LAPTM4B: variants seen among roughly 807,000 people sequenced by gnomAD.
LAPTM4B encodes lysosomal protein transmembrane 4 beta, also known as lysosomal-associated transmembrane protein 4B.
LAPTM4B carries 26 observed loss-of-function variants against 28.5 expected under a neutral mutation model. The observed-to-expected ratio is 0.91, with a 90% CI of 0.67 to 1.27. LAPTM4B has a LOEUF of 1.27. LAPTM4B is among the 50% of genes most tolerant of loss of function. LAPTM4B has a pLI of 0.00. For missense variants in LAPTM4B, 288 were observed against 285.8 expected (o/e 1.01, Z -0.06); for synonymous variants, 109 against 106.4 (o/e 1.02, Z -0.15).
At chr8:97,823,028 A>T (rs1290889386) in intron 5 of LAPTM4B, among the ~76,000 whole-genome samples, 1 of 151,788 alleles carries the variant, frequency 6.6e-6, no homozygotes, top group Non-Finnish European at 1.5e-5. Context: ...TTTTTACTAG[A>T]GACAGGGTTT....
chr8:97,827,242 G>A (rs1817103870), intron 6 of LAPTM4B, among the ~76,000 whole-genome samples: 1 of 152,174 alleles, frequency 6.6e-6, no homozygotes, highest in African/African-American at 2.4e-5. Context: ...CTGCACTAAG[G>A]CAGGATTCTA....
chr8:97,826,436 C>T (rs145328959), intron 6 of LAPTM4B, among the ~76,000 whole-genome samples: 2 of 152,210 alleles, frequency 1.3e-5, no homozygotes, highest in Non-Finnish European at 2.9e-5. Context: ...AAAGAAATAT[C>T]TATTCAAAAT....
At chr8:97,815,287 G>A (rs1816890809) in intron 2 of LAPTM4B, 41 bp from the exon 3 acceptor site, 3 of 1,507,006 alleles carry the variant, frequency 2.0e-6, no homozygotes, top group Admixed American at 3.4e-5. Flanking sequence ...ATCCACTACT[G>A]ATTGTCTTTT....
intron 3 of LAPTM4B, 84 bp downstream of exon 3, chr8:97,815,485 C>A: frequency 1.1e-6 from 1 of 939,590 alleles, no homozygotes; most frequent in Non-Finnish European, 1.7e-6. Context: ...TGAGAAGTGA[C>A]TTTCCAGTTT....
chr8:97,811,620 TTG>T (rs200078785), intron 2 of LAPTM4B, among the ~76,000 whole-genome samples: 1 of 151,404 alleles, frequency 6.6e-6, no homozygotes, highest in African/African-American at 2.4e-5. Context: ...AAGGCTCATC[TTG>T]CTCTGGCATT....
At chr8:97,797,506 T>A (rs1412923116) in intron 1 of LAPTM4B, among the ~76,000 whole-genome samples, 1 of 152,204 alleles carries the variant, frequency 6.6e-6, no homozygotes, top group Admixed American at 6.6e-5. Context: ...ATTAACATTT[T>A]AAAAAATAAG....
chr8:97,794,587 G>T (rs1378117546), intron 1 of LAPTM4B, among the ~76,000 whole-genome samples: 1 of 140,474 alleles, frequency 7.1e-6, no homozygotes. Context: ...AGCATGGGAA[G>T]AAGTTTATTT....
intron 1 of LAPTM4B, chr8:97,788,338 T>C (rs944372217): frequency 8.6e-6 from 3 of 350,128 alleles, no homozygotes; most frequent in Admixed American, 3.1e-5. Flanking sequence ...GAAACAATCC[T>C]GAAAGTCTTG....
chr8:97,819,624 T>A (rs1240825260), intron 5 of LAPTM4B, among the ~76,000 whole-genome samples: 2 of 151,742 alleles, frequency 1.3e-5, no homozygotes, highest in Non-Finnish European at 2.9e-5. Flanking sequence ...AATAAATTAC[T>A]TGATGAGCAT....
At chr8:97,837,940 C>G (rs143950671) in intron 6 of LAPTM4B, among the ~76,000 whole-genome samples, 3 of 152,232 alleles carry the variant, frequency 2.0e-5, no homozygotes, top group African/African-American at 4.8e-5. Flanking sequence ...TATAATCTCT[C>G]CAAGCATTTT....
At chr8:97,835,256 T>C (rs1364344604) in intron 6 of LAPTM4B, among the ~76,000 whole-genome samples, 1 of 152,250 alleles carries the variant, frequency 6.6e-6, no homozygotes, top group Non-Finnish European at 1.5e-5. Flanking sequence ...GGAAAGATAC[T>C]GGGGGCTCTT....
intron 1 of LAPTM4B, among the ~76,000 whole-genome samples, chr8:97,779,107 T>C (rs899786749): frequency 1.3e-5 from 2 of 152,052 alleles, no homozygotes; most frequent in Non-Finnish European, 2.9e-5. Context: ...TAGTCCCAGC[T>C]TGAGTCCCAG....
At chr8:97,805,278 G>A (rs1347550025) in intron 1 of LAPTM4B, 75 bp from the exon 2 acceptor site, 2 of 820,398 alleles carry the variant, frequency 2.4e-6, no homozygotes, top group African/African-American at 3.5e-5. Context: ...CATGTGGTCA[G>A]TGTAATTTTC....
At chr8:97,780,856 C>T (rs755290553) in intron 1 of LAPTM4B, among the ~76,000 whole-genome samples, 2 of 152,022 alleles carry the variant, frequency 1.3e-5, no homozygotes, top group South Asian at 2.1e-4. Flanking sequence ...ATATTGACTT[C>T]AGGTATTTAT....
At chr8:97,843,002 C>G (rs1286236488) in intron 6 of LAPTM4B, among the ~76,000 whole-genome samples, 1 of 151,986 alleles carries the variant, frequency 6.6e-6, no homozygotes, top group East Asian at 1.9e-4. Context: ...CCTCAGCCTC[C>G]TCAGTAGCTG....
rs1179368545 is a variant in LAPTM4B, at chr8:97,852,704, G to C, written c.*1230G>C. 3.5e-4 allele frequency: 62 copies of C among 175,008 alleles called. 1 individual carries two copies. The highest frequency in any genetic ancestry group is 6.7e-4 in the African/African-American group (26 of 38,662). The allele number at this position is 175,008 out of a possible 1,614,324, so 10.8% of individuals were successfully genotyped here. On this transcript the variant is annotated 3_prime_UTR_variant, in exon 7 of 7. Coordinates refer to ENST00000521545, the MANE Select transcript of LAPTM4B (RefSeq NM_018407.6). ...GCCTAAGGAGTAGGCTTTTTTTTGGGGGGGGGAGGTCGGGTGGGGGGGATT... is the reference window on the plus strand; with the variant it reads ...GCCTAAGGAGTAGGCTTTTTTTTGGCGGGGGGAGGTCGGGTGGGGGGGATT...
chr8:97,835,081 G>A (rs1817240768), intron 6 of LAPTM4B, among the ~76,000 whole-genome samples: 1 of 152,224 alleles, frequency 6.6e-6, no homozygotes, highest in Non-Finnish European at 1.5e-5. Context: ...CCATAGCTGT[G>A]TTAAGAACTT....
intron 1 of LAPTM4B, among the ~76,000 whole-genome samples, chr8:97,803,808 G>C (rs1360249250): frequency 6.6e-6 from 1 of 151,870 alleles, no homozygotes; most frequent in Non-Finnish European, 1.5e-5. Flanking sequence ...ACTGTGCCTG[G>C]CTCATTTTCT....
intron 1 of LAPTM4B, among the ~76,000 whole-genome samples, chr8:97,801,839 A>G (rs62524063): frequency 0.56 from 64,559 of 115,954 alleles, 14,918 homozygotes; most frequent in East Asian, 0.65. Flanking sequence ...GCGAAACTCC[A>G]TCTCAAAAAA....
Sources: gnomAD v4.1 joint callset for allele counts (sites outside exome capture counted in the v4.1 genomes callset) on GRCh38, gnomAD v4.1.1 for gene constraint, MANE v1.5 for transcripts, NCBI Gene and HGNC (gene_info 2026-07-23, HGNC 2026-07-21) for gene names.